CNBD1: variants seen among roughly 807,000 people sequenced by gnomAD.
CNBD1 encodes cyclic nucleotide-binding domain-containing protein 1.
A neutral mutation model predicts 54.4 loss-of-function variants in CNBD1; 71 were observed. The ratio of observed to expected loss-of-function variants is 1.30; its 90% CI spans 1.08 to 1.59. CNBD1 has a LOEUF of 1.59. Among genes scored for constraint, CNBD1 ranks in the 40% most tolerant of loss-of-function variants. CNBD1 has a pLI of 0.00. For synonymous variants in CNBD1, 182 were observed against 170.7 expected (o/e 1.07, Z -0.51); for missense variants, 659 against 518.0 (o/e 1.27, Z -2.64).
At chr8:87,016,520 G>C (rs1809359782) in intron 4 of CNBD1, among the ~76,000 whole-genome samples, 1 of 150,622 alleles carries the variant, frequency 6.6e-6, no homozygotes, top group African/African-American at 2.4e-5. Context: ...GAAAATAGTT[G>C]ATATAGGGAA....
intron 5 of CNBD1, among the ~76,000 whole-genome samples, chr8:87,215,781 A>G (rs904028149): frequency 2.0e-5 from 3 of 152,144 alleles, no homozygotes; most frequent in Non-Finnish European, 2.9e-5. Flanking sequence ...AGAGTGTACA[A>G]TTCAGTGACA....
At chr8:86,888,751 C>T (rs113787421) in intron 2 of CNBD1, among the ~76,000 whole-genome samples, 20 of 150,240 alleles carry the variant, frequency 1.3e-4, no homozygotes, top group African/African-American at 3.8e-4. Flanking sequence ...ATATGTTGGT[C>T]CCTTTTCTAA....
At chr8:86,986,649 T>C (rs775408605) in intron 4 of CNBD1, among the ~76,000 whole-genome samples, 2 of 152,240 alleles carry the variant, frequency 1.3e-5, no homozygotes, top group Non-Finnish European at 2.9e-5. Flanking sequence ...GTTTGAGGTA[T>C]TACATTTAAA....
chr8:87,109,070 C>T (rs1811603647), intron 4 of CNBD1, among the ~76,000 whole-genome samples: 2 of 151,998 alleles, frequency 1.3e-5, no homozygotes, highest in Admixed American at 1.3e-4. Flanking sequence ...TATCCAAATA[C>T]ATAATCAGAA....
chr8:87,109,878 G>A (rs1811624462), intron 4 of CNBD1, among the ~76,000 whole-genome samples: 1 of 152,054 alleles, frequency 6.6e-6, no homozygotes, highest in East Asian at 1.9e-4. Flanking sequence ...AGCTACATAG[G>A]CTTGAAGATA....
chr8:87,153,126 G>C (rs1007850180), intron 4 of CNBD1, among the ~76,000 whole-genome samples: 2 of 152,008 alleles, frequency 1.3e-5, no homozygotes, highest in Non-Finnish European at 2.9e-5. Context: ...TTACTTTTCT[G>C]CTTGTTGATG....
At chr8:87,069,203 T>G (rs965669746) in intron 4 of CNBD1, among the ~76,000 whole-genome samples, 5 of 152,094 alleles carry the variant, frequency 3.3e-5, no homozygotes, top group African/African-American at 1.2e-4. Flanking sequence ...TTATCTGTTA[T>G]TGTTACCCTG....
chr8:87,184,053 G>T (rs764168388), intron 4 of CNBD1, among the ~76,000 whole-genome samples: 38 of 152,306 alleles, frequency 2.5e-4, no homozygotes, highest in Non-Finnish European at 5.0e-4. Flanking sequence ...TGGGGTGGCG[G>T]GGGCCACAGA....
chr8:87,067,830 A>C (rs1810684714), intron 4 of CNBD1, among the ~76,000 whole-genome samples: 1 of 151,982 alleles, frequency 6.6e-6, no homozygotes, highest in Non-Finnish European at 1.5e-5. Context: ...CATGTTTCAC[A>C]ATATACTTAG....
chr8:87,118,465 A>C (rs140372919), intron 4 of CNBD1, among the ~76,000 whole-genome samples: 1 of 152,224 alleles, frequency 6.6e-6, no homozygotes, highest in East Asian at 1.9e-4. Flanking sequence ...AATTTGAAGG[A>C]GTGAACTGTG....
intron 2 of CNBD1, among the ~76,000 whole-genome samples, chr8:87,423,407 T>C (rs1586094096): frequency 6.6e-6 from 1 of 151,732 alleles, no homozygotes; most frequent in Non-Finnish European, 1.5e-5. Context: ...ATATTGGCTG[T>C]GGGTTTGTCA....
intron 4 of CNBD1, among the ~76,000 whole-genome samples, chr8:86,987,928 A>G (rs1333080863): frequency 3.9e-5 from 6 of 152,222 alleles, no homozygotes; most frequent in South Asian, 2.1e-4. Flanking sequence ...TTTTGTGTCT[A>G]TGTTCATCAG....
chr8:86,987,560 G>A (rs1331837458), intron 4 of CNBD1, among the ~76,000 whole-genome samples: 1 of 152,112 alleles, frequency 6.6e-6, no homozygotes, highest in Non-Finnish European at 1.5e-5. Context: ...TGGTGAGAGT[G>A]GGCTTCCTTG....
intron 4 of CNBD1, among the ~76,000 whole-genome samples, chr8:87,067,119 C>T (rs1416085745): frequency 1.3e-5 from 2 of 151,948 alleles, no homozygotes; most frequent in Non-Finnish European, 2.9e-5. Context: ...GAAGCATCGC[C>T]TCTTCCATAT....
intron 4 of CNBD1, among the ~76,000 whole-genome samples, chr8:87,119,966 T>C (rs1447024192): frequency 6.6e-6 from 1 of 152,058 alleles, no homozygotes. Context: ...GATGTACTGT[T>C]AGTGGTTTGC....
intron 4 of CNBD1, among the ~76,000 whole-genome samples, chr8:86,996,939 T>C (rs1162399863): frequency 2.6e-5 from 4 of 152,310 alleles, no homozygotes; most frequent in South Asian, 4.1e-4. Flanking sequence ...CCTTACATGA[T>C]AGAAAAGGCA....
intron 1 of CNBD1, among the ~76,000 whole-genome samples, chr8:86,876,183 TTGTGTGTGTGTG>T (rs60866236): frequency 1.3e-5 from 2 of 150,458 alleles, no homozygotes; most frequent in East Asian, 3.9e-4. Context: ...GTGTGTGTGT[TTGTGTGTGTGTG>T]TGTGTGTGTG....
intron 8 of CNBD1, among the ~76,000 whole-genome samples, chr8:87,348,463 C>G (rs756113066): frequency 5.9e-5 from 9 of 152,036 alleles, no homozygotes; most frequent in Non-Finnish European, 1.3e-4. Flanking sequence ...AAAACATTCT[C>G]AAAAGGGAAA....
chr8:87,140,331 G>T (rs919064278), intron 4 of CNBD1, among the ~76,000 whole-genome samples: 1 of 152,022 alleles, frequency 6.6e-6, no homozygotes, highest in African/African-American at 2.4e-5. Flanking sequence ...AAAATAAATT[G>T]CAGAGATAGG....
Sources: allele counts gnomAD v4.1 joint callset (sites outside exome capture counted in the v4.1 genomes callset), GRCh38; gene constraint gnomAD v4.1.1; transcripts MANE v1.5; gene names NCBI Gene and HGNC (gene_info 2026-07-23, HGNC 2026-07-21).